The following OR8K3 variants were observed in gnomAD, a reference collection of about 807,000 sequenced individuals.
OR8K3 encodes olfactory receptor family 8 subfamily K member 3 (gene/pseudogene).
For missense variants in OR8K3, 448 were observed against 367.4 expected (o/e 1.22, Z -1.79); for synonymous variants, 167 against 138.8 (o/e 1.20, Z -1.43).
Position 56,318,576 on chromosome 11 carries a change from T to C in OR8K3, c.270T>C (p.Asn90=), listed in dbSNP as rs1327701675. The C allele has an allele frequency of 1.9e-6, 3 of 1,612,802 alleles. No homozygotes were observed. The highest frequency in any genetic ancestry group is 1.1e-5 in the South Asian group (1 of 91,010). The change falls in exon 3 of 3, where the codon AAT becomes AAC. Residue 90 remains asparagine, a synonymous_variant. Transcript: ENST00000641662. ...TAGTAAATTTTGTTGTGGATAAGAA[T>C]ATAATTTCTTATTATTTTTGTGCAA... is the stretch of plus-strand genomic sequence containing the variant. The part of the protein sequence containing the change: ...KMLVNFVVDK[N]IISYYFCATQ...
At position 56,318,776 on chromosome 11, in the gene OR8K3, T is replaced by C. The variant is rs1231354507; in HGVS notation, c.470T>C (p.Leu157Pro). The C allele has an allele frequency of 6.2e-7, 1 of 1,613,996 alleles. No individual in the cohort carries two copies. The highest frequency in any genetic ancestry group is 2.2e-5 in the East Asian group (1 of 44,862). The change falls in exon 3 of 3, where the codon CTT (leucine) becomes CCT (proline). Residue 157 changes from leucine (L) to proline (P), a missense_variant. By Grantham distance (98) the Leu-to-Pro change is moderately conservative. Coordinates refer to ENST00000641662, the MANE Select transcript of OR8K3 (RefSeq NM_001005202.2). ...TACCTCTATTGCACATTCATTTCTCTTCTAGTCACCATAAAGATTTTTACT... is the reference window on the plus strand; with the variant it reads ...TACCTCTATTGCACATTCATTTCTCCTCTAGTCACCATAAAGATTTTTACT... ...IPYLYCTFIS[L>P]LVTIKIFTLS...
Position 56,319,201 on chromosome 11 carries a change from G to A in OR8K3, c.895G>A (p.Ala299Thr). ...TTTACGAAACAAAGATGTAAAATAT[G>A]CCCTACGAAGGACATGGAATAACTT... ...YSLRNKDVKY[A>T]LRRTWNNLCN... Residue 299 changes from alanine to threonine, a missense_variant, in exon 3 of 3, where the codon GCC becomes ACC. Physicochemically the swap from Ala to Thr is moderately conservative, Grantham distance 58. Transcript: ENST00000641662. The A allele has an allele frequency of 1.2e-6, 2 of 1,611,112 alleles. No individual in the cohort carries two copies. The highest frequency in any genetic ancestry group is 2.2e-5 in the South Asian group (2 of 90,990).
In OR8K3 at chr11:56,319,355, TCTCATACA is replaced by T; in HGVS notation, c.*111_*118del. ...CTGATTCAACATATATTTACATATGTCTCATACATGATAGGCTCTTCTAATTGCTATAC... is the reference window on the plus strand; with the variant it reads ...CTGATTCAACATATATTTACATATGTTGATAGGCTCTTCTAATTGCTATAC... On this transcript the variant is annotated 3_prime_UTR_variant, in exon 3 of 3. Coordinates refer to ENST00000641662, the MANE Select transcript of OR8K3 (RefSeq NM_001005202.2). The T allele has an allele frequency of 3.2e-6, 2 of 628,190 alleles. No homozygotes were observed. Among genetic ancestry groups the T allele is most frequent in the Non-Finnish European group, 5.6e-6 (2 of 358,736 alleles). The allele number at this position is 628,190 out of a possible 1,614,324, so 38.9% of individuals were successfully genotyped here.
At position 56,318,684 on chromosome 11, in the gene OR8K3, C is replaced by T. The variant is rs779437194; in HGVS notation, c.378C>T (p.Ile126=). Reference sequence around the variant, plus strand: ...TGTCCTACGACCTCTATGTGGCCATCTGTAACCCTCTGCTATACACAGTAA... The same window carrying T: ...TGTCCTACGACCTCTATGTGGCCATTTGTAACCCTCTGCTATACACAGTAA... ...SAMSYDLYVA[I]CNPLLYTVIM... The change falls in exon 3 of 3, where the codon ATC becomes ATT. Residue 126 remains isoleucine (I), a synonymous_variant. Coordinates refer to ENST00000641662, the MANE Select transcript of OR8K3 (RefSeq NM_001005202.2). 1.9e-6 allele frequency: 3 copies of T among 1,613,914 alleles called. No homozygotes were observed. Among genetic ancestry groups the T allele is most frequent in the African/African-American group, 2.7e-5 (2 of 75,048 alleles).
intron 2 of OR8K3, among the ~76,000 whole-genome samples, chr11:56,317,637 T>G (rs1854461238): frequency 6.6e-6 from 1 of 152,162 alleles, no homozygotes; most frequent in South Asian, 2.1e-4. Flanking sequence ...CAGAAATTTT[T>G]TATATAACTA....
chr11:56,318,564 T>C lies in OR8K3; in HGVS notation c.258T>C (p.Val86=). 2 of 1,613,176 alleles carry C rather than the reference T, an allele frequency of 1.2e-6. No individual in the cohort carries two copies. The highest frequency in any genetic ancestry group is 1.7e-6 in the Non-Finnish European group (2 of 1,179,506). Reference sequence around the variant, plus strand: ...GACCCAAAATGTTAGTAAATTTTGTTGTGGATAAGAATATAATTTCTTATT... The same window carrying C: ...GACCCAAAATGTTAGTAAATTTTGTCGTGGATAAGAATATAATTTCTTATT... ...TVGPKMLVNF[V]VDKNIISYYF... The change falls in exon 3 of 3, where the codon GTT becomes GTC. Residue 86 remains valine (V), a synonymous_variant. Transcript: ENST00000641662.
chr11:56,316,785 C>T (rs533337830), intron 2 of OR8K3, among the ~76,000 whole-genome samples: 75 of 151,998 alleles, frequency 4.9e-4, no homozygotes, highest in Middle Eastern at 3.4e-3. Context: ...ATATGAAGGA[C>T]CACATTTTCT....
intron 2 of OR8K3, 144 bp from the exon 3 acceptor site, chr11:56,318,140 A>C (rs7932412): frequency 0.067 from 36,429 of 543,790 alleles, 1,555 homozygotes; most frequent in Non-Finnish European, 0.082. Flanking sequence ...TAAATTATTT[A>C]AACATGTTTT....
Position 56,319,579 on chromosome 11 carries a change from G to A in OR8K3, c.*334G>A, listed in dbSNP as rs1203321858. 3 of 210,554 alleles carry A rather than the reference G, an allele frequency of 1.4e-5. No individual in the cohort carries two copies. Among genetic ancestry groups the A allele is most frequent in the Admixed American group, 5.2e-5 (1 of 19,336 alleles). The allele number at this position is 210,554 out of a possible 1,614,324, so 13.0% of individuals were successfully genotyped here. ...AGTGGTCATTACAGAAGGGAGTTAC[G>A]AGGATTCCAGTGTTTTTTATCTGCT... On this transcript the variant is annotated 3_prime_UTR_variant, in exon 3 of 3. Transcript: ENST00000641662.
At chr11:56,318,211 T>A (rs1854469752) in intron 2 of OR8K3, 73 bp from the exon 3 acceptor site, 1 of 734,978 alleles carries the variant, frequency 1.4e-6, no homozygotes, top group South Asian at 2.0e-5. Flanking sequence ...TATCTTCTGT[T>A]AGCTTTGCAT....
chr11:56,318,511 A>AGACATC lies in OR8K3; in HGVS notation c.205_206insGACATC (p.Met69delinsArgHisLeu). ...CTTTTTTCTCAGACATCTGGCTTTC[A>AGACATC]TGGATCTTGGTTATTCAACAACTGT... On this transcript the variant is annotated protein_altering_variant, in exon 3 of 3. Coordinates refer to ENST00000641662, the MANE Select transcript of OR8K3 (RefSeq NM_001005202.2). 6.2e-7 allele frequency: 1 copy of AGACATC among 1,614,050 alleles called. No homozygotes were observed.
chr11:56,315,622 C>T (rs1388961423), intron 1 of OR8K3, among the ~76,000 whole-genome samples: 2 of 151,834 alleles, frequency 1.3e-5, no homozygotes, highest in Admixed American at 1.3e-4. Context: ...GCTCTCAGAC[C>T]CCTTAACAAT....
At chr11:56,317,777 A>G (rs528788407) in intron 2 of OR8K3, among the ~76,000 whole-genome samples, 7 of 151,994 alleles carry the variant, frequency 4.6e-5, no homozygotes, top group Non-Finnish European at 8.8e-5. Flanking sequence ...TTCTTTATAT[A>G]TCTATACAGA....
chr11:56,319,867 T>C lies in OR8K3; in HGVS notation c.*622T>C, dbSNP rs1057309332. 1 of 152,332 alleles carries C rather than the reference T, an allele frequency of 6.6e-6. No individual in the cohort carries two copies. Among genetic ancestry groups the C allele is most frequent in the Non-Finnish European group, 1.5e-5 (1 of 68,132 alleles). The allele number at this position is 152,332 out of a possible 1,614,324, so 9.4% of individuals were successfully genotyped here. A position where few individuals can be genotyped will look rare whatever the true frequency, so the allele number is the denominator to read the frequency against. On this transcript the variant is annotated 3_prime_UTR_variant, in exon 3 of 3. Transcript: ENST00000641662. ...CACATAGAAGTCTGTTAACCGAACA[T>C]ACTTTGTAGCTCAATAATCGGTAAA...
chr11:56,319,393 A>G lies in OR8K3; in HGVS notation c.*148A>G. On this transcript the variant is annotated 3_prime_UTR_variant, in exon 3 of 3. Coordinates refer to ENST00000641662, the MANE Select transcript of OR8K3 (RefSeq NM_001005202.2). ...AGGCTCTTCTAATTGCTATACATAG[A>G]TTAATAAACAAAATAGTAGAAATCT... is the stretch of plus-strand genomic sequence containing the variant. The G allele has an allele frequency of 1.7e-6, 1 of 585,072 alleles. No individual in the cohort carries two copies. Among genetic ancestry groups the G allele is most frequent in the South Asian group, 2.3e-5 (1 of 43,566 alleles). The allele number at this position is 585,072 out of a possible 1,614,324, so 36.2% of individuals were successfully genotyped here.
rs540892529 is a variant in OR8K3 at position 56,318,057 on chromosome 11, G to A, written c.-23-227G>A. Among the ~76,000 whole-genome samples the A allele has an allele frequency of 3.3e-5, 5 of 152,268 alleles. No individual in the cohort carries two copies. The East Asian group carries it at 9.6e-4, about 29-fold the overall frequency. On this transcript the variant is annotated intron_variant, in intron 2 of 2. Coordinates refer to ENST00000641662, the MANE Select transcript of OR8K3 (RefSeq NM_001005202.2). ...AATTGTGATAAATAAAATGTCTCTA[G>A]ACATTAGAAAATGTTTTTGGGTGAG...
In OR8K3 at chr11:56,318,797, T is replaced by A. The variant is rs746334623; in HGVS notation, c.491T>A (p.Phe164Tyr). ...FISLLVTIKI[F>Y]TLSFCGYNVI... ...TCTCTTCTAGTCACCATAAAGATTT[T>A]TACTTTATCCTTCTGTGGCTACAAC... Residue 164 changes from phenylalanine (F) to tyrosine (Y), a missense_variant, in exon 3 of 3, where the codon TTT (phenylalanine) becomes TAT (tyrosine). Coordinates refer to ENST00000641662, the MANE Select transcript of OR8K3 (RefSeq NM_001005202.2). The A allele has an allele frequency of 1.9e-6, 3 of 1,613,808 alleles. No homozygotes were observed. The African/African-American group carries it at 4.0e-5, about 22-fold the overall frequency.
intron 2 of OR8K3, among the ~76,000 whole-genome samples, chr11:56,316,679 T>A (rs1297215438): frequency 6.6e-6 from 1 of 151,988 alleles, no homozygotes; most frequent in Admixed American, 6.6e-5. Context: ...TGTCTCTATG[T>A]TATTGTGTAA....
chr11:56,319,356 C>T lies in OR8K3; in HGVS notation c.*111C>T. On this transcript the variant is annotated 3_prime_UTR_variant, in exon 3 of 3. Coordinates refer to ENST00000641662, the MANE Select transcript of OR8K3 (RefSeq NM_001005202.2). ...TGATTCAACATATATTTACATATGT[C>T]TCATACATGATAGGCTCTTCTAATT... is the stretch of plus-strand genomic sequence containing the variant. 1 of 625,790 alleles carries T rather than the reference C, an allele frequency of 1.6e-6. No homozygotes were observed. The highest frequency in any genetic ancestry group is 2.8e-6 in the Non-Finnish European group (1 of 356,826). 38.8% of individuals were successfully genotyped at this position (625,790 alleles called of 1,614,324 possible).
Sources: allele counts gnomAD v4.1 joint callset (sites outside exome capture counted in the v4.1 genomes callset), GRCh38; gene constraint gnomAD v4.1.1; transcripts MANE v1.5; gene names NCBI Gene and HGNC (gene_info 2026-07-23, HGNC 2026-07-21).